The following F8 variants were observed in gnomAD, a reference collection of about 807,000 sequenced individuals.
F8 encodes the protein antihemophilic factor.
Under a neutral mutation model 140.6 loss-of-function variants are expected in F8, and 12 were observed. The observed-to-expected ratio is 0.09, with a 90% confidence interval of 0.05 to 0.14. The LOEUF (loss-of-function observed/expected upper bound fraction) is 0.14, where lower values mean the gene tolerates loss of function less well. Ranked by LOEUF, F8 falls within the 10% of genes least tolerant of loss-of-function variation. The probability of loss-of-function intolerance (pLI) is 1.00; values close to 1 mark genes in which losing one functional copy is unlikely to be tolerated. For missense variants in F8, 1,354 were observed against 1,720.7 expected, an observed-to-expected ratio of 0.79 and a Z score of 3.77; for synonymous variants, 585 against 614.6, an observed-to-expected ratio of 0.95 and a Z score of 0.71.
At chrX:155,013,145 CAAAAAA>C (rs34940593) in intron 1 of F8, among the ~76,000 whole-genome samples, 1 of 34,034 alleles carries the variant, frequency 2.9e-5, no homozygotes, top group South Asian at 1.9e-3. Context: ...GACTCCGTCT[CAAAAAA>C]AAAAAAAAAA....
intron 22 of F8, among the ~76,000 whole-genome samples, chrX:154,876,433 A>G (rs2072817448): frequency 8.9e-6 from 1 of 111,811 alleles, no homozygotes; most frequent in Admixed American, 9.5e-5. Context: ...ATTTTAAAAA[A>G]TTATTCTGCC....
intron 1 of F8, among the ~76,000 whole-genome samples, chrX:155,009,792 A>G (rs2073697309): frequency 8.9e-6 from 1 of 111,800 alleles, no homozygotes; most frequent in Non-Finnish European, 1.9e-5. Context: ...AAGATATAAG[A>G]CACATATAAA....
chrX:155,004,912 T>C (rs1171930213), intron 1 of F8, among the ~76,000 whole-genome samples: 2 of 111,607 alleles, frequency 1.8e-5, no homozygotes, highest in Non-Finnish European at 3.8e-5. Flanking sequence ...ATGCAGTATA[T>C]ACTCTAGATC....
chrX:154,947,836 G>C lies in F8; in HGVS notation c.1975C>G (p.Leu659Val), dbSNP rs782621319. ...AAGTCAGTCTGTGCTCCAATGCTTAGAATGTACCAGTATGCCACCTCATGC... is the reference window on the plus strand; with the variant it reads ...AAGTCAGTCTGTGCTCCAATGCTTACAATGTACCAGTATGCCACCTCATGC... ...CLHEVAYWYILSIGAQTDFLS... is the reference protein window; with the variant it reads ...CLHEVAYWYIVSIGAQTDFLS... The change falls in exon 13 of 26, where the codon CTA becomes GTA. Residue 659 changes from leucine (L) to valine (V), a missense_variant. By Grantham distance (32) the Leu-to-Val change is conservative. Transcript: ENST00000360256. 8.3e-7 allele frequency: 1 copy of C among 1,210,873 alleles called. No individual in the cohort carries two copies. Among genetic ancestry groups the C allele is most frequent in the South Asian group, 1.8e-5 (1 of 56,972 alleles).
At chrX:154,923,061 A>G (rs1557277679) in intron 14 of F8, among the ~76,000 whole-genome samples, 3 of 111,743 alleles carry the variant, frequency 2.7e-5, no homozygotes, top group African/African-American at 9.8e-5. Context: ...CAGATGAGAA[A>G]TGATGATAAT....
chrX:154,842,350 T>C (rs2072528197), intron 25 of F8, among the ~76,000 whole-genome samples: 1 of 111,864 alleles, frequency 8.9e-6, no homozygotes, highest in Non-Finnish European at 1.9e-5. Flanking sequence ...TTACTTCATA[T>C]CTTTATTATT....
intron 1 of F8, among the ~76,000 whole-genome samples, chrX:155,020,238 T>C (rs1182690902): frequency 8.9e-6 from 1 of 112,066 alleles, no homozygotes; most frequent in Non-Finnish European, 1.9e-5. Context: ...TGCTAATATA[T>C]ATGAGAACTT....
At chrX:155,007,633 T>C (rs1486943265) in intron 1 of F8, among the ~76,000 whole-genome samples, 4 of 112,403 alleles carry the variant, frequency 3.6e-5, no homozygotes, top group African/African-American at 1.3e-4. Context: ...CTCTGCCTCC[T>C]GTGAGATCAG....
At chrX:154,895,613 C>T (rs941614566) in intron 22 of F8, among the ~76,000 whole-genome samples, 7 of 111,684 alleles carry the variant, frequency 6.3e-5, no homozygotes, top group South Asian at 3.7e-4. Flanking sequence ...TAGACAATAA[C>T]GCTGAGGTTT....
At position 154,860,442 on chromosome X, in the gene F8, C is replaced by T. The variant is rs2148566510; in HGVS notation, c.6890G>A (p.Gly2297Asp). The T allele has an allele frequency of 1.7e-6, 2 of 1,208,475 alleles. No individual in the cohort carries two copies. Among genetic ancestry groups the T allele is most frequent in the South Asian group, 1.8e-5 (1 of 56,739 alleles). The change falls in exon 25 of 26, where the codon GGC becomes GAC. Residue 2297 changes from glycine (G) to aspartate (D), a missense_variant. Around this residue, in one of 4 missense-constraint regions of F8, gnomAD observed 316 missense variants for 485.4 expected, o/e 0.65. Transcript: ENST00000360256. ...AGGAGACCAGCTTACCTTTACTTTG[C>T]CATTCTGAAAAAAGAGAGTCCACTG... ...GHQWTLFFQNGKVKVFQGNQD... is the reference protein window; with the variant it reads ...GHQWTLFFQNDKVKVFQGNQD...
chrX:154,841,704 A>G (rs1465556317), intron 25 of F8, among the ~76,000 whole-genome samples: 1 of 111,058 alleles, frequency 9.0e-6, no homozygotes, highest in African/African-American at 3.3e-5. Flanking sequence ...TGCACTGCTT[A>G]GGACAGCCAA....
At chrX:154,925,661 C>T (rs1052643557) in intron 14 of F8, among the ~76,000 whole-genome samples, 1 of 112,430 alleles carries the variant, frequency 8.9e-6, no homozygotes, top group Non-Finnish European at 1.9e-5. Context: ...TTGCATGGGG[C>T]CTGTAGGCCC....
intron 25 of F8, among the ~76,000 whole-genome samples, chrX:154,856,621 G>A (rs140427165): frequency 1.2e-3 from 129 of 111,607 alleles, no homozygotes; most frequent in Non-Finnish European, 2.2e-3. Flanking sequence ...ACAGAGTCAC[G>A]GCCTCTCAAT....
At chrX:154,845,820 C>T (rs1263550370) in intron 25 of F8, among the ~76,000 whole-genome samples, 1 of 111,638 alleles carries the variant, frequency 9.0e-6, no homozygotes, top group Non-Finnish European at 1.9e-5. Context: ...TTAGTTATTT[C>T]TTGCCTTCTG....
chrX:154,852,703 C>A (rs1337759995), intron 25 of F8, among the ~76,000 whole-genome samples: 3 of 108,754 alleles, frequency 2.8e-5, no homozygotes, highest in Non-Finnish European at 5.7e-5. Context: ...GAAATTCCAT[C>A]TGAATTTTAG....
chrX:155,002,521 T>A (rs185756644), intron 1 of F8, among the ~76,000 whole-genome samples: 2 of 110,489 alleles, frequency 1.8e-5, no homozygotes, highest in East Asian at 5.7e-4. Flanking sequence ...CTGTTTGAAC[T>A]GGGACATCTG....
intron 22 of F8, among the ~76,000 whole-genome samples, chrX:154,866,775 T>C (rs1319665826): frequency 1.9e-5 from 2 of 107,431 alleles, no homozygotes; most frequent in Non-Finnish European, 3.9e-5. Context: ...ACCCAACTTA[T>C]CACCTCCAGG....
chrX:155,013,399 C>T (rs2073719002), intron 1 of F8, among the ~76,000 whole-genome samples: 1 of 110,891 alleles, frequency 9.0e-6, no homozygotes, highest in Admixed American at 9.6e-5. Flanking sequence ...TGCCACCATG[C>T]CATATAAGAT....
intron 22 of F8, among the ~76,000 whole-genome samples, chrX:154,894,562 T>C (rs782557341): frequency 3.6e-5 from 4 of 110,180 alleles, no homozygotes; most frequent in African/African-American, 1.3e-4. Flanking sequence ...CTACTAAAAA[T>C]ACAAAAATTA....
Sources: gnomAD v4.1 joint callset for allele counts (sites outside exome capture counted in the v4.1 genomes callset) on GRCh38, gnomAD v4.1.1 for gene constraint, gnomAD v4.1.1 regional missense constraint, MANE v1.5 for transcripts, NCBI Gene and HGNC (gene_info 2026-07-23, HGNC 2026-07-21) for gene names.